The following GAMT variants were observed in gnomAD, a reference collection of about 807,000 sequenced individuals.
GAMT encodes epididymis secretory protein Li 20.
GAMT carries 26 observed loss-of-function variants against 26.9 expected under a neutral mutation model. That is an observed-to-expected ratio of 0.97 (90% confidence interval 0.71 to 1.34). The LOEUF (loss-of-function observed/expected upper bound fraction) is 1.34, where lower values mean the gene tolerates loss of function less well. Ranked by LOEUF, GAMT falls within the 40% of genes most tolerant of loss-of-function variation. The pLI is 0.00. For missense variants in GAMT, 412 were observed against 345.0 expected (o/e 1.19, Z -1.54); for synonymous variants, 169 against 149.6 (o/e 1.13, Z -0.95).
rs552135046 is a variant in GAMT at position 1,399,100 on chromosome 19, C to T, written c.459+28G>A. ...CAGAGGGGCTTCCCCGAGGGCCTCC[C>T]GCATCCCAGCAAGTCAGAGAGAACC... On this transcript the variant is annotated intron_variant, in intron 4 of 5. Transcript: ENST00000252288. This position sits in a 1 kb window ranked among gnomAD's most constrained non-coding sequence, Gnocchi z 6.2. The T allele has an allele frequency of 1.3e-4, 214 of 1,613,458 alleles. No individual in the cohort carries two copies. The highest frequency in any genetic ancestry group is 3.2e-4 in the African/African-American group (24 of 75,024).
In GAMT at chr19:1,399,801, T is replaced by A; in HGVS notation, c.319A>T (p.Thr107Ser). 6.4e-7 allele frequency: 1 copy of A among 1,566,678 alleles called. No homozygotes were observed. The highest frequency in any genetic ancestry group is 8.6e-7 in the Non-Finnish European group (1 of 1,156,554). ...TGCGGGCAGAGGGGCACCTTGTGTG[T>A]CTGCCGTGGGGCCCAGTCCCGGAGC... ...QRLRDWAPRQ[T>S]HKVIPLKGLW... Residue 107 changes from threonine (T) to serine (S), a missense_variant, in exon 2 of 6, where the codon ACA (threonine) becomes TCA (serine). By Grantham distance (58) the Thr-to-Ser change is moderately conservative (BLOSUM62 1). Coordinates refer to ENST00000252288, the MANE Select transcript of GAMT (RefSeq NM_000156.6). This position sits in a 1 kb window ranked among gnomAD's most constrained non-coding sequence, Gnocchi z 6.2.
chr19:1,400,543 G>A (rs1003431575), intron 1 of GAMT, among the ~76,000 whole-genome samples: 2 of 152,178 alleles, frequency 1.3e-5, no homozygotes, highest in African/African-American at 4.8e-5. Context: ...CCCAGCCCAC[G>A]CTGTTTGTCC....
rs1386804078 is a variant in GAMT, at chr19:1,399,755, G to C, written c.327+38C>G. On this transcript the variant is annotated intron_variant, in intron 2 of 5. Transcript: ENST00000252288. The surrounding 1 kb of genome is among the most constrained non-coding windows in gnomAD (Gnocchi z 6.2). ...CAGGAAGCAGTGCCCTCACCCCAAG[G>C]AGTGGGGGTCCTGGAGGGCCTGCGG... 2 of 1,540,548 alleles carry C rather than the reference G, an allele frequency of 1.3e-6. No homozygotes were observed. Among genetic ancestry groups the C allele is most frequent in the South Asian group, 1.2e-5 (1 of 84,018 alleles).
rs756194610 is a variant in GAMT, at chr19:1,399,125, C to A, written c.459+3G>T. The A allele has an allele frequency of 6.2e-7, 1 of 1,613,714 alleles. No homozygotes were observed. ...CGCATCCCAGCAAGTCAGAGAGAAC[C>A]ACCTTGATGAAGTTGAACTGGTGTG... On this transcript the variant is annotated splice_donor_region_variant and intron_variant, in intron 4 of 5. Coordinates refer to ENST00000252288, the MANE Select transcript of GAMT (RefSeq NM_000156.6). The surrounding 1 kb of genome is among the most constrained non-coding windows in gnomAD (Gnocchi z 6.2).
Position 1,399,945 on chromosome 19 carries a change from A to G in GAMT, c.182-7T>C. 1 of 1,603,968 alleles carries G rather than the reference A, an allele frequency of 6.2e-7. No individual in the cohort carries two copies. The highest frequency in any genetic ancestry group is 8.5e-7 in the Non-Finnish European group (1 of 1,176,802). On this transcript the variant is annotated splice_region_variant and splice_polypyrimidine_tract_variant and intron_variant, in intron 1 of 5. Transcript: ENST00000252288. The surrounding 1 kb of genome is among the most constrained non-coding windows in gnomAD (Gnocchi z 6.2). ...ACCTCCAGGACCCGGCCCCCTGGGC[A>G]GACACAGGGCGCCTGGCATCACTAG...
At chr19:1,400,226 G>A (rs1048147495) in intron 1 of GAMT, among the ~76,000 whole-genome samples, 1 of 146,772 alleles carries the variant, frequency 6.8e-6, no homozygotes, top group Non-Finnish European at 1.5e-5. Flanking sequence ...CTGTCTGGAA[G>A]AGGGGGTGCA....
At position 1,399,009 on chromosome 19, in the gene GAMT, C is replaced by G; in HGVS notation, c.477G>C (p.Leu159=). ...FNFIKNHAFR[L]LKPGGVLTYC... is the part of the protein sequence containing the mutation. ...AGGTGAGGACGCCCCCCGGCTTCAG[C>G]AGGCGAAAGGCGTGGTTCTGTGGAA... Residue 159 remains leucine (L), a synonymous_variant, in exon 5 of 6, where the codon CTG becomes CTC. Coordinates refer to ENST00000252288, the MANE Select transcript of GAMT (RefSeq NM_000156.6). The surrounding 1 kb of genome is among the most constrained non-coding windows in gnomAD (Gnocchi z 6.2). 2 of 1,613,486 alleles carry G rather than the reference C, an allele frequency of 1.2e-6. No individual in the cohort carries two copies. The highest frequency in any genetic ancestry group is 1.7e-6 in the Non-Finnish European group (2 of 1,179,996).
intron 1 of GAMT, among the ~76,000 whole-genome samples, chr19:1,400,806 T>G (rs965374884): frequency 6.6e-6 from 1 of 152,152 alleles, no homozygotes; most frequent in Non-Finnish European, 1.5e-5. Flanking sequence ...GGGAGTCCTT[T>G]CTTAGCAGCC....
intron 5 of GAMT, chr19:1,397,700 C>T (rs948517413): frequency 1.3e-5 from 18 of 1,397,604 alleles, no homozygotes; most frequent in Middle Eastern, 2.6e-4. Flanking sequence ...AGCAGCTTCC[C>T]GGCTGTCCTG....
In GAMT at chr19:1,397,106, AG is replaced by A; in HGVS notation, c.*252del. Reference sequence around the variant, plus strand: ...TCGCACGCTCACTGCCGACTGGCCAAGCCCAGCGCCGGCGTTTACTTCACCT... The same window carrying A: ...TCGCACGCTCACTGCCGACTGGCCAACCCAGCGCCGGCGTTTACTTCACCT... On this transcript the variant is annotated 3_prime_UTR_variant, in exon 6 of 6. Transcript: ENST00000252288. The A allele has an allele frequency of 3.8e-6, 2 of 522,138 alleles. No homozygotes were observed. Among genetic ancestry groups the A allele is most frequent in the Non-Finnish European group, 6.9e-6 (2 of 290,232 alleles). 32.3% of individuals were successfully genotyped at this position (522,138 alleles called of 1,614,324 possible). A position where few individuals can be genotyped will look rare whatever the true frequency, so the allele number is the denominator to read the frequency against.
chr19:1,400,906 G>A (rs1287859158), intron 1 of GAMT, among the ~76,000 whole-genome samples: 1 of 152,208 alleles, frequency 6.6e-6, no homozygotes, highest in African/African-American at 2.4e-5. Context: ...TTAGCCGGGC[G>A]AGTCGGGGCT....
At position 1,397,507 on chromosome 19, in the gene GAMT, G is replaced by A. The variant is rs1344390513; in HGVS notation, c.571-8C>T. 2 of 1,601,636 alleles carry A rather than the reference G, an allele frequency of 1.2e-6. No homozygotes were observed. The highest frequency in any genetic ancestry group is 1.7e-6 in the Non-Finnish European group (2 of 1,179,802). On this transcript the variant is annotated splice_region_variant and splice_polypyrimidine_tract_variant and intron_variant, in intron 5 of 5. Coordinates refer to ENST00000252288, the MANE Select transcript of GAMT (RefSeq NM_000156.6). ...CGCGGGCACCTGCGTCTCCTGGTCGGGGATGGCACCAGGTCACCTCTGAGG... is the reference window on the plus strand; with the variant it reads ...CGCGGGCACCTGCGTCTCCTGGTCGAGGATGGCACCAGGTCACCTCTGAGG...
At chr19:1,397,707 C>G in intron 5 of GAMT, 1 of 1,406,372 alleles carries the variant, frequency 7.1e-7, no homozygotes, top group Non-Finnish European at 9.4e-7. Context: ...TCCCGGCTGT[C>G]CTGGAACCCC....
intron 1 of GAMT, among the ~76,000 whole-genome samples, chr19:1,400,482 G>A (rs567210774): frequency 6.6e-6 from 1 of 152,114 alleles, no homozygotes; most frequent in Admixed American, 6.5e-5. Flanking sequence ...GGCCGAAGAC[G>A]GCCGCTTTTG....
In GAMT at chr19:1,401,311, C is replaced by T; in HGVS notation, c.166G>A (p.Ala56Thr). The T allele has an allele frequency of 5.3e-6, 8 of 1,511,468 alleles. No homozygotes were observed. Among genetic ancestry groups the T allele is most frequent in the African/African-American group, 1.4e-5 (1 of 70,064 alleles). The allele number at this position is 1,511,468 out of a possible 1,614,324, so 93.6% of individuals were successfully genotyped here. A position where few individuals can be genotyped will look rare whatever the true frequency, so the allele number is the denominator to read the frequency against. Residue 56 changes from alanine (A) to threonine (T), a missense_variant, in exon 1 of 6, where the codon GCC becomes ACC. Physicochemically the swap from Ala to Thr is moderately conservative, Grantham distance 58. Transcript: ENST00000252288. ...CGGGGGCTACCTTTGGAGGAGGCGG[C>T]GGCGGCCAGCGCGTGCATATAGGGG... ...ETPYMHALAA[A>T]ASSKGGRVLE...
rs1345414383 is a variant in GAMT, at chr19:1,399,978, G to T, written c.182-40C>A. On this transcript the variant is annotated intron_variant, in intron 1 of 5. Coordinates refer to ENST00000252288, the MANE Select transcript of GAMT (RefSeq NM_000156.6). This position sits in a 1 kb window ranked among gnomAD's most constrained non-coding sequence, Gnocchi z 6.2. Reference sequence around the variant, plus strand: ...GGCGCCTGGCATCACTAGGTGGGGCGGGCTTAGGAGGCTGCCTGGAGGAGG... The same window carrying T: ...GGCGCCTGGCATCACTAGGTGGGGCTGGCTTAGGAGGCTGCCTGGAGGAGG... 2 of 1,574,702 alleles carry T rather than the reference G, an allele frequency of 1.3e-6. No individual in the cohort carries two copies.
rs1196041616 is a variant in GAMT at position 1,399,258 on chromosome 19, C to T, written c.392-63G>A. The T allele has an allele frequency of 8.3e-6, 13 of 1,561,602 alleles. No individual in the cohort carries two copies. Among genetic ancestry groups the T allele is most frequent in the Admixed American group, 3.3e-5 (2 of 59,890 alleles). On this transcript the variant is annotated intron_variant, in intron 3 of 5. Coordinates refer to ENST00000252288, the MANE Select transcript of GAMT (RefSeq NM_000156.6). This position sits in a 1 kb window ranked among gnomAD's most constrained non-coding sequence, Gnocchi z 6.2. ...GCTCAGCGCCTCACCCAGCCTCACC[C>T]GGCTCATCCCCCAGCGGGTGGAGGT...
At chr19:1,397,644 T>G in intron 5 of GAMT, 145 bp from the exon 6 acceptor site, 2 of 1,425,650 alleles carry the variant, frequency 1.4e-6, no homozygotes, top group Non-Finnish European at 1.9e-6. Context: ...AGGGCAGCCC[T>G]GGAAGCCCAG....
chr19:1,401,279 G>C lies in GAMT; in HGVS notation c.181+17C>G, dbSNP rs768895664. Reference sequence around the variant, plus strand: ...CCCCTGCGCCCCCGGGGGCGGTGCAGGCCGGGCGGGGGCTACCTTTGGAGG... The same window carrying C: ...CCCCTGCGCCCCCGGGGGCGGTGCACGCCGGGCGGGGGCTACCTTTGGAGG... On this transcript the variant is annotated intron_variant, in intron 1 of 5. Transcript: ENST00000252288. 1 of 1,466,556 alleles carries C rather than the reference G, an allele frequency of 6.8e-7. No individual in the cohort carries two copies. Among genetic ancestry groups the C allele is most frequent in the East Asian group, 2.8e-5 (1 of 35,710 alleles). The allele number at this position is 1,466,556 out of a possible 1,614,324, so 90.8% of individuals were successfully genotyped here.
Sources: allele counts gnomAD v4.1 joint callset (sites outside exome capture counted in the v4.1 genomes callset), GRCh38; gene constraint gnomAD v4.1.1; non-coding constraint Gnocchi (gnomAD v3.1); transcripts MANE v1.5; gene names NCBI Gene and HGNC (gene_info 2026-07-23, HGNC 2026-07-21).